ZNF419: variants seen among roughly 807,000 people sequenced by gnomAD.
The protein encoded by ZNF419 is zinc finger protein 419A.
Under a neutral mutation model 14.9 loss-of-function variants are expected in ZNF419, and 8 were observed. The observed-to-expected ratio is 0.54, with a 90% CI of 0.32 to 0.97. The LOEUF is 0.97. ZNF419 is among the 50% of genes least tolerant of loss of function. The probability of loss-of-function intolerance (pLI) is 0.04; values close to 1 mark genes in which losing one functional copy is unlikely to be tolerated. For missense variants in ZNF419, 595 were observed against 607.2 expected (o/e 0.98, Z 0.21); for synonymous variants, 211 against 205.3 (o/e 1.03, Z -0.24).
chr19:57,491,063 T>C (rs1452070401), intron 2 of ZNF419: 1 of 195,476 alleles, frequency 5.1e-6, no homozygotes, highest in Non-Finnish European at 1.1e-5. Context: ...GGGAAGCACA[T>C]GAGGTGATGT....
chr19:57,493,082 C>A lies in ZNF419; in HGVS notation c.525C>A (p.Leu175=), dbSNP rs770521026. Residue 175 remains leucine, a synonymous_variant, in exon 5 of 5, where the codon CTC becomes CTA. Coordinates refer to ENST00000221735, the MANE Select transcript of ZNF419 (RefSeq NM_024691.4). ...GKALLISSGV[L]KHQVTHTGEK... is the part of the protein sequence containing the mutation. ...CCCTCCTGATCAGCTCAGGTGTTCT[C>A]AAGCACCAGGTGACTCACACAGGAG... The A allele has an allele frequency of 1.7e-5, 27 of 1,613,962 alleles. No individual in the cohort carries two copies. The East Asian group carries it at 6.0e-4, about 36-fold the overall frequency.
rs896795691 is a variant in ZNF419, at chr19:57,493,085, G to A, written c.528G>A (p.Lys176=). 1 of 1,613,958 alleles carries A rather than the reference G, an allele frequency of 6.2e-7. No individual in the cohort carries two copies. The highest frequency in any genetic ancestry group is 1.3e-5 in the African/African-American group (1 of 74,902). ...KALLISSGVL[K]HQVTHTGEKS... is the part of the protein sequence containing the mutation. ...TCCTGATCAGCTCAGGTGTTCTCAA[G>A]CACCAGGTGACTCACACAGGAGAGA... Residue 176 remains lysine, a synonymous_variant, in exon 5 of 5, where the codon AAG becomes AAA. Coordinates refer to ENST00000221735, the MANE Select transcript of ZNF419 (RefSeq NM_024691.4).
chr19:57,490,269 G>A, intron 2 of ZNF419, 84 bp downstream of exon 2: 1 of 1,357,704 alleles, frequency 7.4e-7, no homozygotes, highest in Non-Finnish European at 1.0e-6. Context: ...GAGGCTCCTT[G>A]CTGGCTATTC....
Position 57,493,569 on chromosome 19 carries a change from A to G in ZNF419, c.1012A>G (p.Thr338Ala), listed in dbSNP as rs2089550786. ...SSLMKHQRIH[T>A]GERPYKCSEC... is the part of the protein sequence containing the mutation. Reference sequence around the variant, plus strand: ...CCTCATGAAACATCAGAGAATTCACACTGGAGAAAGACCTTATAAGTGCAG... The same window carrying G: ...CCTCATGAAACATCAGAGAATTCACGCTGGAGAAAGACCTTATAAGTGCAG... The change falls in exon 5 of 5, where the codon ACT becomes GCT. Residue 338 changes from threonine (T) to alanine (A), a missense_variant. Thr to Ala is a moderately conservative substitution (Grantham distance 58). Transcript: ENST00000221735. 6.2e-7 allele frequency: 1 copy of G among 1,608,996 alleles called. No individual in the cohort carries two copies. Among genetic ancestry groups the G allele is most frequent in the Non-Finnish European group, 8.5e-7 (1 of 1,175,726 alleles).
chr19:57,493,001 G>T lies in ZNF419; in HGVS notation c.444G>T (p.Arg148Ser). Reference protein sequence around the residue: ...KRQEGRVPVLRSCKVHLSEKS... With the variant: ...KRQEGRVPVLSSCKVHLSEKS... ...AAGAGGGCAGGGTCCCAGTTTTGAGGAGTTGCAAAGTTCACCTATCAGAGA... is the reference window on the plus strand; with the variant it reads ...AAGAGGGCAGGGTCCCAGTTTTGAGTAGTTGCAAAGTTCACCTATCAGAGA... The change falls in exon 5 of 5, where the codon AGG (arginine) becomes AGT (serine). Residue 148 changes from arginine to serine, a missense_variant. Arg to Ser is a moderately radical substitution (Grantham distance 110). Transcript: ENST00000221735. 1 of 1,614,154 alleles carries T rather than the reference G, an allele frequency of 6.2e-7. No individual in the cohort carries two copies. The highest frequency in any genetic ancestry group is 8.5e-7 in the Non-Finnish European group (1 of 1,180,038).
chr19:57,490,052 T>C, intron 1 of ZNF419, 95 bp from the exon 2 acceptor site: 1 of 1,152,558 alleles, frequency 8.7e-7, no homozygotes. Flanking sequence ...AGATTGTAGA[T>C]AGTCAGGCAC....
At chr19:57,489,093 TAA>T (rs1473869465) in intron 1 of ZNF419, 1 of 152,236 alleles carries the variant, frequency 6.6e-6, no homozygotes, top group East Asian at 1.9e-4. Context: ...CTTTGGTGCC[TAA>T]GTTTCCCTAG....
rs769390022 is a variant in ZNF419, at chr19:57,492,206, C to T, written c.293C>T (p.Pro98Leu). The change falls in exon 4 of 5, where the codon CCG becomes CTG. Residue 98 changes from proline to leucine, a missense_variant. Transcript: ENST00000221735. ...PAWEVVTSAIPRGCWHGAEAE... is the reference protein window; with the variant it reads ...PAWEVVTSAILRGCWHGAEAE... The stretch of plus-strand genomic sequence containing the variant: ...TGGGAAGTTGTGACTTCAGCCATAC[C>T]GAGAGGTAGTTGGTGGGTGGAGCTC... 3.0e-5 allele frequency: 49 copies of T among 1,613,754 alleles called. No homozygotes were observed. The highest frequency in any genetic ancestry group is 5.0e-5 in the Admixed American group (3 of 59,972).
In ZNF419 at chr19:57,492,159, G is replaced by A. The variant is rs1834166634; in HGVS notation, c.246G>A (p.Trp82Ter). 4 of 1,613,690 alleles carry A rather than the reference G, an allele frequency of 2.5e-6. No individual in the cohort carries two copies. The South Asian group carries it at 3.3e-5, about 13-fold the overall frequency. ...KTHEITQLES[W>*]EEPFMPAWEV... ...ATGAAATAACCCAGCTGGAGTCATG[G>A]GAGGAGCCCTTCATGCCTGCTTGGG... Residue 82 changes from tryptophan (W) to a stop codon, truncating the protein, a stop_gained, in exon 4 of 5, where the codon TGG becomes TGA. Coordinates refer to ENST00000221735, the MANE Select transcript of ZNF419 (RefSeq NM_024691.4). LOFTEE classifies it high-confidence loss of function.
At chr19:57,489,498 T>G (rs2089435020) in intron 1 of ZNF419, 1 of 147,038 alleles carries the variant, frequency 6.8e-6, no homozygotes, top group Admixed American at 6.8e-5. Flanking sequence ...TTTTTTTTTT[T>G]TTTTTTTTGA....
rs1166120818 is a variant in ZNF419, at chr19:57,494,011, G to T, written c.1454G>T (p.Cys485Phe). ...CACACTGGAGCAAAGCCTTATGAGT[G>T]CAGGGAATGTGGGAAGTTTTTTCGC... ...RVHTGAKPYECRECGKFFRHN... is the reference protein window; with the variant it reads ...RVHTGAKPYEFRECGKFFRHN... The change falls in exon 5 of 5, where the codon TGC becomes TTC. Residue 485 changes from cysteine to phenylalanine, a missense_variant. Cys to Phe is a radical substitution (Grantham distance 205, BLOSUM62 -2). Transcript: ENST00000221735. 2 of 1,613,772 alleles carry T rather than the reference G, an allele frequency of 1.2e-6. No homozygotes were observed. Among genetic ancestry groups the T allele is most frequent in the African/African-American group, 2.7e-5 (2 of 74,918 alleles).
At position 57,492,206 on chromosome 19, in the gene ZNF419, C is replaced by G; in HGVS notation, c.293C>G (p.Pro98Arg). Residue 98 changes from proline to arginine, a missense_variant, in exon 4 of 5, where the codon CCG (proline) becomes CGG (arginine). Pro to Arg is a moderately radical substitution (Grantham distance 103). Transcript: ENST00000221735. ...TGGGAAGTTGTGACTTCAGCCATACCGAGAGGTAGTTGGTGGGTGGAGCTC... is the reference window on the plus strand; with the variant it reads ...TGGGAAGTTGTGACTTCAGCCATACGGAGAGGTAGTTGGTGGGTGGAGCTC... ...PAWEVVTSAI[P>R]RGCWHGAEAE... 2 of 1,613,884 alleles carry G rather than the reference C, an allele frequency of 1.2e-6. No homozygotes were observed. Among genetic ancestry groups the G allele is most frequent in the Non-Finnish European group, 8.5e-7 (1 of 1,179,976 alleles).
chr19:57,490,531 T>TTGG, intron 2 of ZNF419: 1 of 176,794 alleles, frequency 5.7e-6, no homozygotes, highest in South Asian at 1.3e-4. Flanking sequence ...TTTTGGATTT[T>TTGG]TGGTAGAGAG....
chr19:57,491,545 G>A lies in ZNF419; in HGVS notation c.147G>A (p.Arg49=), dbSNP rs1434714494. ...GGAGATTGCTTGATGACGCTCAGAG[G>A]CTCCTCTACCGCAATGTGATGCTGG... The part of the protein sequence containing the change: ...EEWRLLDDAQ[R]LLYRNVMLEN... Residue 49 remains arginine, a synonymous_variant, in exon 3 of 5, where the codon AGG becomes AGA. Coordinates refer to ENST00000221735, the MANE Select transcript of ZNF419 (RefSeq NM_024691.4). 8 of 1,613,900 alleles carry A rather than the reference G, an allele frequency of 5.0e-6. No individual in the cohort carries two copies. In the Admixed American group the frequency reaches 5.0e-5, roughly 10 times the overall value.
Position 57,492,930 on chromosome 19 carries a change from C to G in ZNF419, c.373C>G (p.Gln125Glu). Residue 125 changes from glutamine to glutamate, a missense_variant, in exon 5 of 5, where the codon CAG (glutamine) becomes GAG (glutamate). Transcript: ENST00000221735. Reference sequence around the variant, plus strand: ...TGTAGGACTGCTCAGTTCAAACATTCAGCAACACCAGAAGCAGCACTGTGG... The same window carrying G: ...TGTAGGACTGCTCAGTTCAAACATTGAGCAACACCAGAAGCAGCACTGTGG... ...ASVGLLSSNI[Q>E]QHQKQHCGEK... 2 of 1,614,222 alleles carry G rather than the reference C, an allele frequency of 1.2e-6. No homozygotes were observed. Among genetic ancestry groups the G allele is most frequent in the Non-Finnish European group, 1.7e-6 (2 of 1,180,044 alleles).
intron 4 of ZNF419, 50 bp from the exon 5 acceptor site, chr19:57,492,806 T>G: frequency 6.2e-7 from 1 of 1,611,138 alleles, no homozygotes; most frequent in Non-Finnish European, 8.5e-7. Context: ...GAGTGCTGCC[T>G]CCTCACACCA....
chr19:57,494,348 T>C lies in ZNF419; in HGVS notation c.*258T>C. On this transcript the variant is annotated 3_prime_UTR_variant, in exon 5 of 5. Coordinates refer to ENST00000221735, the MANE Select transcript of ZNF419 (RefSeq NM_024691.4). ...AGGTTATGTACTGTCTCTGAATCAA[T>C]ATGACCTCACTTAAAACAGAAACTC... is the stretch of plus-strand genomic sequence containing the variant. 2 of 440,342 alleles carry C rather than the reference T, an allele frequency of 4.5e-6. No homozygotes were observed. Among genetic ancestry groups the C allele is most frequent in the South Asian group, 6.2e-5 (1 of 16,066 alleles). The allele number at this position is 440,342 out of a possible 1,614,324, so 27.3% of individuals were successfully genotyped here.
Position 57,487,918 on chromosome 19 carries a change from T to G in ZNF419, c.-33T>G, listed in dbSNP as rs2089391615. The G allele has an allele frequency of 6.2e-7, 1 of 1,613,598 alleles. No homozygotes were observed. The highest frequency in any genetic ancestry group is 1.3e-5 in the African/African-American group (1 of 74,932). On this transcript the variant is annotated 5_prime_UTR_variant, in exon 1 of 5. Transcript: ENST00000221735. ...GTGGCCCGGGCCCTTTCCTCGGTCA[T>G]TGTCTCCCCTCCAGCTCTACTCACA...
Position 57,487,827 on chromosome 19 carries a change from A to G in ZNF419, c.-124A>G, listed in dbSNP as rs2089388901. The G allele has an allele frequency of 3.5e-6, 5 of 1,423,262 alleles. No homozygotes were observed. Among genetic ancestry groups the G allele is most frequent in the Non-Finnish European group, 3.9e-6 (4 of 1,013,834 alleles). 88.2% of individuals were successfully genotyped at this position (1,423,262 alleles called of 1,614,324 possible). On this transcript the variant is annotated 5_prime_UTR_variant, in exon 1 of 5. Coordinates refer to ENST00000221735, the MANE Select transcript of ZNF419 (RefSeq NM_024691.4). ...GCTGAGGCGACCAGCGCCGGAAGGC[A>G]CGGTGGCGACTCACGCTGTTCTCGC...
Sources: allele counts gnomAD v4.1 joint callset, GRCh38; gene constraint gnomAD v4.1.1; transcripts MANE v1.5; gene names NCBI Gene and HGNC (gene_info 2026-07-23, HGNC 2026-07-21).